C15orf40: variants seen among roughly 807,000 people sequenced by gnomAD.
C15orf40 encodes UPF0235 protein C15orf40.
A neutral mutation model predicts 13.9 loss-of-function variants in C15orf40; 9 were observed. The observed-to-expected ratio is 0.65, with a 90% CI of 0.39 to 1.13. The LOEUF is 1.13. Ranked by LOEUF, C15orf40 falls within the 50% of genes most tolerant of loss-of-function variation. C15orf40 has a pLI of 0.01. For missense variants in C15orf40, 225 were observed against 188.5 expected (o/e 1.19, Z -1.13); for synonymous variants, 95 against 69.2 (o/e 1.37, Z -1.85).
intron 3 of C15orf40, chr15:83,006,319 T>C (rs931463767): frequency 2.0e-5 from 17 of 861,802 alleles, no homozygotes; most frequent in African/African-American, 7.3e-5. Context: ...AAAATAAATA[T>C]TGCAATTTTA....
At chr15:82,994,223 T>C (rs1022163912), downstream of C15orf40, among the ~76,000 whole-genome samples, 3 of 152,236 alleles carry the variant, frequency 2.0e-5, no homozygotes. Flanking sequence ...ATGTCAGCTT[T>C]AAGTTTAGAA....
At position 83,001,071 on chromosome 15, in the gene C15orf40, C is replaced by T; in HGVS notation, c.*4526G>A. On this transcript the variant is annotated 3_prime_UTR_variant, in exon 4 of 4. Coordinates refer to ENST00000304177, the MANE Select transcript of C15orf40 (RefSeq NM_144597.3). Reference sequence around the variant, plus strand: ...CAAGTGATCCACCCGCCTCAGCCTCCCAAAGTGCTGGGATTACAGGCATAA... The same window carrying T: ...CAAGTGATCCACCCGCCTCAGCCTCTCAAAGTGCTGGGATTACAGGCATAA... 1 of 981,792 alleles carries T rather than the reference C, an allele frequency of 1.0e-6. No homozygotes were observed. Among genetic ancestry groups the T allele is most frequent in the East Asian group, 1.1e-4 (1 of 8,814 alleles). The allele number at this position is 981,792 out of a possible 1,614,324, so 60.8% of individuals were successfully genotyped here. A position where few individuals can be genotyped will look rare whatever the true frequency, so the allele number is the denominator to read the frequency against.
chr15:83,002,601 G>A lies in C15orf40; in HGVS notation c.*2996C>T, dbSNP rs1567090807. On this transcript the variant is annotated 3_prime_UTR_variant, in exon 4 of 4. Transcript: ENST00000304177. ...AGGGGCTGGCTTAGAAATTTCATGT[G>A]ACTTGATTTGGGCTGATACAAGGGA... is the stretch of plus-strand genomic sequence containing the variant. The A allele has an allele frequency of 1.3e-5, 2 of 152,364 alleles. No homozygotes were observed. Among genetic ancestry groups the A allele is most frequent in the East Asian group, 1.9e-4 (1 of 5,178 alleles). The allele number at this position is 152,364 out of a possible 1,614,324, so 9.4% of individuals were successfully genotyped here. A position where few individuals can be genotyped will look rare whatever the true frequency, so the allele number is the denominator to read the frequency against.
At chr15:82,991,741 C>T (rs1219485898), downstream of C15orf40, among the ~76,000 whole-genome samples, 1 of 152,192 alleles carries the variant, frequency 6.6e-6, no homozygotes, top group African/African-American at 2.4e-5. Flanking sequence ...CGGGCAGTCA[C>T]ACTAAGATGC....
rs2031511917 is a variant in C15orf40 at position 83,003,441 on chromosome 15, T to C, written c.*2156A>G. ...CATGCCCGGCCAGGAAAGTTGATCT[T>C]TTATGATATCATTTTATGACATTCT... On this transcript the variant is annotated 3_prime_UTR_variant, in exon 4 of 4. Coordinates refer to ENST00000304177, the MANE Select transcript of C15orf40 (RefSeq NM_144597.3). The C allele has an allele frequency of 6.6e-6, 1 of 152,118 alleles. No homozygotes were observed. The highest frequency in any genetic ancestry group is 2.4e-5 in the African/African-American group (1 of 41,412). 9.4% of individuals were successfully genotyped at this position (152,118 alleles called of 1,614,324 possible). A position where few individuals can be genotyped will look rare whatever the true frequency, so the allele number is the denominator to read the frequency against.
downstream of C15orf40, chr15:82,990,392 C>T: frequency 2.8e-6 from 1 of 352,696 alleles, no homozygotes. Flanking sequence ...ATAGAAAATG[C>T]TTTTACTTTG....
In C15orf40 at chr15:83,010,275, A is replaced by G. The variant is rs1456650872; in HGVS notation, c.200T>C (p.Ile67Thr). The G allele has an allele frequency of 3.1e-6, 5 of 1,614,124 alleles. No homozygotes were observed. Among genetic ancestry groups the G allele is most frequent in the Non-Finnish European group, 2.5e-6 (3 of 1,180,050 alleles). ...TTGTTTGGAGCCAGGTTTTGCATGG[A>G]TGGCTATGGTGACGCATCCTTTAGG... ...VDPKGCVTIA[I>T]HAKPGSKQNA... Residue 67 changes from isoleucine (I) to threonine (T), a missense_variant, in exon 2 of 4, where the codon ATC becomes ACC. Coordinates refer to ENST00000304177, the MANE Select transcript of C15orf40 (RefSeq NM_144597.3).
At chr15:82,989,028 A>G (rs1040472415), downstream of C15orf40, 3 of 1,607,524 alleles carry the variant, frequency 1.9e-6, no homozygotes, top group South Asian at 2.2e-5. Flanking sequence ...AATGACTGAC[A>G]CTGCCGAAGC....
In C15orf40 at chr15:83,010,293, C is replaced by G. The variant is rs143424937; in HGVS notation, c.182G>C (p.Gly61Ala). ...PLGPVAVDPK[G>A]CVTIAIHAKP... is the part of the protein sequence containing the mutation. ...TGCATGGATGGCTATGGTGACGCAT[C>G]CTTTAGGATCAACTGCCACAGGACC... Residue 61 changes from glycine (G) to alanine (A), a missense_variant, in exon 2 of 4, where the codon GGA becomes GCA. Physicochemically the swap from Gly to Ala is moderately conservative, Grantham distance 60. Transcript: ENST00000304177. 8.7e-6 allele frequency: 14 copies of G among 1,614,108 alleles called. No homozygotes were observed. The African/African-American group carries it at 1.3e-4, about 15-fold the overall frequency.
At position 83,002,802 on chromosome 15, in the gene C15orf40, T is replaced by G. The variant is rs910807034; in HGVS notation, c.*2795A>C. On this transcript the variant is annotated 3_prime_UTR_variant, in exon 4 of 4. Transcript: ENST00000304177. ...TTCAGGGGAAGGAAAGAAAGCTGAT[T>G]TTTTTTTTTCTTGAGACGGAGTCTG... is the stretch of plus-strand genomic sequence containing the variant. The G allele has an allele frequency of 6.6e-6, 1 of 150,926 alleles. No homozygotes were observed. The highest frequency in any genetic ancestry group is 2.4e-5 in the African/African-American group (1 of 40,962). The allele number at this position is 150,926 out of a possible 1,614,324, so 9.3% of individuals were successfully genotyped here. A position where few individuals can be genotyped will look rare whatever the true frequency, so the allele number is the denominator to read the frequency against.
chr15:83,005,814 A>C (rs1264504263), intron 3 of C15orf40, 122 bp from the exon 4 acceptor site: 1 of 1,339,538 alleles, frequency 7.5e-7, no homozygotes, highest in African/African-American at 1.5e-5. Context: ...TTCTGGTCTA[A>C]CCAAAGACTA....
intron 3 of C15orf40, among the ~76,000 whole-genome samples, chr15:83,006,059 G>A (rs750640948): frequency 9.2e-5 from 14 of 151,894 alleles, no homozygotes; most frequent in African/African-American, 2.7e-4. Flanking sequence ...GTGAAACCCC[G>A]TCTGTACTAA....
chr15:83,004,498 G>T lies in C15orf40; in HGVS notation c.*1099C>A. On this transcript the variant is annotated 3_prime_UTR_variant, in exon 4 of 4. Coordinates refer to ENST00000304177, the MANE Select transcript of C15orf40 (RefSeq NM_144597.3). ...TAGCTTTTGAAACTTTAATATAGAT[G>T]TAATTTCTGACAAGCTTTTACAAAT... 1.3e-6 allele frequency: 1 copy of T among 781,624 alleles called. No individual in the cohort carries two copies. The highest frequency in any genetic ancestry group is 1.6e-6 in the Non-Finnish European group (1 of 644,160). 48.4% of individuals were successfully genotyped at this position (781,624 alleles called of 1,614,324 possible).
rs1389725950 is a variant in C15orf40 at position 83,001,186 on chromosome 15, G to A, written c.*4411C>T. On this transcript the variant is annotated 3_prime_UTR_variant, in exon 4 of 4. Coordinates refer to ENST00000304177, the MANE Select transcript of C15orf40 (RefSeq NM_144597.3). ...CCTCCCCTAACCGAGAGGAAAGTGT[G>A]GAATGGCTCACAGAAATCAGAAGTC... The A allele has an allele frequency of 6.1e-6, 6 of 985,344 alleles. No individual in the cohort carries two copies. In the African/African-American group the frequency reaches 1.0e-4, roughly 17 times the overall value. 61.0% of individuals were successfully genotyped at this position (985,344 alleles called of 1,614,324 possible).
In C15orf40 at chr15:83,011,326, C is replaced by CGGCAGCA. The variant is rs1441877529; in HGVS notation, c.111+164_111+170dup. 4.5e-6 allele frequency: 3 copies of CGGCAGCA among 672,112 alleles called. No individual in the cohort carries two copies. The Admixed American group carries it at 1.2e-4, about 27-fold the overall frequency. The allele number at this position is 672,112 out of a possible 1,614,324, so 41.6% of individuals were successfully genotyped here. On this transcript the variant is annotated intron_variant, in intron 1 of 3. Coordinates refer to ENST00000304177, the MANE Select transcript of C15orf40 (RefSeq NM_144597.3). ...AGCGCAGCCTACTGAGGCGGGGCGACGGCAGCAGGCCGCAGCTCTGGGGGT... is the reference window on the plus strand; with the variant it reads ...AGCGCAGCCTACTGAGGCGGGGCGACGGCAGCAGGCAGCAGGCCGCAGCTCTGGGGGT...
rs2031602990 is a variant in C15orf40, at chr15:83,005,088, T to C, written c.*509A>G. The C allele has an allele frequency of 1.7e-6, 2 of 1,160,168 alleles. No homozygotes were observed. Among genetic ancestry groups the C allele is most frequent in the South Asian group, 1.9e-5 (1 of 53,442 alleles). 71.9% of individuals were successfully genotyped at this position (1,160,168 alleles called of 1,614,324 possible). ...ACGCCATGAAATCAGAGTAACATGT[T>C]CCAGGCTGTTTGGGGTTTGGGATTT... On this transcript the variant is annotated 3_prime_UTR_variant, in exon 4 of 4. Transcript: ENST00000304177.
At chr15:83,007,949 T>C (rs896700727) in intron 3 of C15orf40, 5 of 152,836 alleles carry the variant, frequency 3.3e-5, no homozygotes, top group African/African-American at 1.2e-4. Flanking sequence ...CCCAGCACTT[T>C]GGGAGGCCGG....
At chr15:83,008,441 C>A (rs1241790878) in intron 3 of C15orf40, 107 bp downstream of exon 3, 1 of 1,163,672 alleles carries the variant, frequency 8.6e-7, no homozygotes, top group Admixed American at 1.9e-5. Flanking sequence ...ATAGCTTGAA[C>A]CCAGGAGGTG....
rs963251710 is a variant in C15orf40, at chr15:83,004,802, T to G, written c.*795A>C. Reference sequence around the variant, plus strand: ...AAGACTACAAAGCAGCATAACAGGTTTTCTGTCACTTGTAAACTGGATTAG... The same window carrying G: ...AAGACTACAAAGCAGCATAACAGGTGTTCTGTCACTTGTAAACTGGATTAG... On this transcript the variant is annotated 3_prime_UTR_variant, in exon 4 of 4. Coordinates refer to ENST00000304177, the MANE Select transcript of C15orf40 (RefSeq NM_144597.3). 1 of 1,190,888 alleles carries G rather than the reference T, an allele frequency of 8.4e-7. No individual in the cohort carries two copies. Among genetic ancestry groups the G allele is most frequent in the African/African-American group, 1.6e-5 (1 of 62,956 alleles). The allele number at this position is 1,190,888 out of a possible 1,614,324, so 73.8% of individuals were successfully genotyped here.
Sources: allele counts gnomAD v4.1 joint callset (sites outside exome capture counted in the v4.1 genomes callset), GRCh38; gene constraint gnomAD v4.1.1; transcripts MANE v1.5; gene names NCBI Gene and HGNC (gene_info 2026-07-23, HGNC 2026-07-21).